LRP1B: variants seen among roughly 807,000 people sequenced by gnomAD.
LRP1B encodes the protein LDL receptor related protein 1B, also known as low-density lipoprotein receptor-related protein 1B.
LRP1B carries 217 observed loss-of-function variants against 556.6 expected under a neutral mutation model. That is an observed-to-expected ratio of 0.39 (90% CI 0.35 to 0.44). The LOEUF (loss-of-function observed/expected upper bound fraction) is 0.44, where lower values mean the gene tolerates loss of function less well. Among genes scored for constraint, LRP1B ranks in the 20% least tolerant of loss-of-function variants. The probability of loss-of-function intolerance (pLI) is 1.00; values close to 1 mark genes in which losing one functional copy is unlikely to be tolerated. For synonymous variants in LRP1B, 2,047 were observed against 1,865.8 expected (o/e 1.10, Z -2.50); for missense variants, 5,053 against 5,620.8 (o/e 0.90, Z 3.23).
intron 2 of LRP1B, among the ~76,000 whole-genome samples, chr2:141,701,858 G>A (rs536580369): frequency 6.6e-6 from 1 of 151,808 alleles, no homozygotes; most frequent in Non-Finnish European, 1.5e-5. Context: ...TATTTATTTA[G>A]TCCTCATTGT....
intron 2 of LRP1B, among the ~76,000 whole-genome samples, chr2:141,519,139 G>A (rs900888992): frequency 6.6e-5 from 10 of 151,770 alleles, no homozygotes; most frequent in Middle Eastern, 3.4e-3. Context: ...AAGAGGAAAC[G>A]GTGCTGTCAA....
intron 77 of LRP1B, 117 bp downstream of exon 77, chr2:140,350,680 G>T: frequency 1.2e-6 from 1 of 828,956 alleles, no homozygotes; most frequent in Non-Finnish European, 1.8e-6. Context: ...GGAGAATATT[G>T]GGAGAATAAT....
At chr2:141,608,282 G>A (rs564371311) in intron 2 of LRP1B, among the ~76,000 whole-genome samples, 76 of 152,230 alleles carry the variant, frequency 5.0e-4, no homozygotes, top group African/African-American at 1.7e-3. Flanking sequence ...TATACTGCAT[G>A]GTTTTTGGCA....
At chr2:141,890,369 ATATAGTG>A in intron 1 of LRP1B, among the ~76,000 whole-genome samples, 1 of 91,050 alleles carries the variant, frequency 1.1e-5, no homozygotes, top group South Asian at 2.9e-4. Flanking sequence ...GCATATATAT[ATATAGTG>A]TGTATACATA....
chr2:140,882,930 C>T (rs1406553830), intron 25 of LRP1B, among the ~76,000 whole-genome samples: 1 of 152,158 alleles, frequency 6.6e-6, no homozygotes, highest in African/African-American at 2.4e-5. Flanking sequence ...AGCCTTTAGG[C>T]TTGACAATGA....
At chr2:140,249,571 T>A (rs1291919005) in intron 86 of LRP1B, among the ~76,000 whole-genome samples, 4 of 151,750 alleles carry the variant, frequency 2.6e-5, no homozygotes, top group African/African-American at 9.7e-5. Flanking sequence ...GAGAAATAAT[T>A]TTAACAGTTA....
chr2:140,958,030 G>A (rs562306375), intron 18 of LRP1B, among the ~76,000 whole-genome samples: 8 of 151,270 alleles, frequency 5.3e-5, no homozygotes, highest in Non-Finnish European at 1.0e-4. Context: ...ATTAATCCAG[G>A]CCATGTAATA....
At chr2:141,810,538 G>A in intron 1 of LRP1B, 137 bp from the exon 2 acceptor site, 1 of 872,634 alleles carries the variant, frequency 1.1e-6, no homozygotes, top group Non-Finnish European at 1.7e-6. Context: ...CGGCAGCAAA[G>A]ACAAACCAAT....
chr2:140,262,787 CAGG>C (rs1682007425), intron 86 of LRP1B, among the ~76,000 whole-genome samples: 2 of 152,132 alleles, frequency 1.3e-5, no homozygotes, highest in African/African-American at 4.8e-5. Context: ...GATTTACATC[CAGG>C]AGAAGTTTAT....
intron 66 of LRP1B, among the ~76,000 whole-genome samples, chr2:140,419,136 A>G (rs994809015): frequency 1.3e-5 from 2 of 152,236 alleles, no homozygotes; most frequent in African/African-American, 4.8e-5. Flanking sequence ...CATGCTAATA[A>G]TAATCAAAAG....
At chr2:140,605,604 TTC>T (rs1328353534) in intron 41 of LRP1B, among the ~76,000 whole-genome samples, 1 of 151,598 alleles carries the variant, frequency 6.6e-6, no homozygotes, top group Non-Finnish European at 1.5e-5. Context: ...TTCTCTTTCT[TTC>T]TCTCTCTTCT....
chr2:140,485,884 A>ACAC lies in LRP1B; in HGVS notation c.9244-361_9244-360insGTG, dbSNP rs1553473155. Reference sequence around the variant, plus strand: ...ACACACACACACACACACACACACAAACTTAGAGATATTATTTTTCTTTAA... The same window carrying ACAC: ...ACACACACACACACACACACACACAACACACTTAGAGATATTATTTTTCTTTAA... On this transcript the variant is annotated intron_variant, in intron 58 of 90. Coordinates refer to ENST00000389484, the MANE Select transcript of LRP1B (RefSeq NM_018557.3). Among the ~76,000 whole-genome samples, 13 of 55,462 alleles carry ACAC rather than the reference A, an allele frequency of 2.3e-4. 1 individual carries two copies. Among genetic ancestry groups the ACAC allele is most frequent in the South Asian group, 8.2e-4 (1 of 1,216 alleles). 36.4% of individuals were successfully genotyped at this position (55,462 alleles called of 152,430 possible).
intron 41 of LRP1B, among the ~76,000 whole-genome samples, chr2:140,694,543 T>G (rs1686360444): frequency 6.6e-6 from 1 of 152,172 alleles, no homozygotes; most frequent in South Asian, 2.1e-4. Context: ...CTGACTTAAT[T>G]TAATTATTCT....
chr2:141,901,071 A>G (rs1195520779), intron 1 of LRP1B, among the ~76,000 whole-genome samples: 1 of 152,012 alleles, frequency 6.6e-6, no homozygotes, highest in Non-Finnish European at 1.5e-5. Flanking sequence ...TCTTCTTAAA[A>G]CACATTATCT....
In LRP1B at chr2:141,932,636, C is replaced by T. The variant is rs150908379; in HGVS notation, c.83-122235G>A. ...ATTGGTTGTTACAAAGTATTAACTA[C>T]AGAACTCAAAGGTGATGTAAATTTA... On this transcript the variant is annotated intron_variant, in intron 1 of 90. Transcript: ENST00000389484. Among the ~76,000 whole-genome samples the T allele has an allele frequency of 6.7e-3, 1,014 of 152,028 alleles. 5 individuals carry two copies. The highest frequency in any genetic ancestry group is 0.012 in the Non-Finnish European group (791 of 67,938).
intron 1 of LRP1B, among the ~76,000 whole-genome samples, chr2:141,831,189 T>G (rs1158146477): frequency 6.6e-6 from 1 of 151,722 alleles, no homozygotes. Flanking sequence ...AAAATAATTT[T>G]CACATCCAAG....
chr2:140,456,951 T>C (rs1000783881), intron 61 of LRP1B, among the ~76,000 whole-genome samples: 1 of 152,072 alleles, frequency 6.6e-6, no homozygotes, highest in African/African-American at 2.4e-5. Flanking sequence ...AATGAAACAA[T>C]GATCTACAAC....
intron 7 of LRP1B, among the ~76,000 whole-genome samples, chr2:141,076,357 A>G (rs879025024): frequency 1.3e-5 from 2 of 152,180 alleles, no homozygotes; most frequent in African/African-American, 4.8e-5. Flanking sequence ...GTATGCCAGC[A>G]ATTATATATT....
chr2:141,089,433 A>G (rs1302502267), intron 7 of LRP1B, among the ~76,000 whole-genome samples: 1 of 152,224 alleles, frequency 6.6e-6, no homozygotes, highest in Non-Finnish European at 1.5e-5. Context: ...AAACTTAGCA[A>G]TGAAAATATA....
Sources: gnomAD v4.1 joint callset for allele counts (sites outside exome capture counted in the v4.1 genomes callset) on GRCh38, gnomAD v4.1.1 for gene constraint, MANE v1.5 for transcripts, NCBI Gene and HGNC (gene_info 2026-07-23, HGNC 2026-07-21) for gene names.